The following BTG3 variants were observed in gnomAD, a reference collection of about 807,000 sequenced individuals.
The protein encoded by BTG3 is protein BTG3.
In BTG3, 4 loss-of-function variants were observed where a neutral mutation model predicts 25.8. The observed-to-expected ratio is 0.16, with a 90% CI of 0.08 to 0.36. BTG3 has a LOEUF of 0.36. BTG3 is among the 10% of genes least tolerant of loss of function. The pLI is 1.00. For missense variants in BTG3, 201 were observed against 304.9 expected, an observed-to-expected ratio of 0.66 and a Z score of 2.54; for synonymous variants, 107 against 99.9, an observed-to-expected ratio of 1.07 and a Z score of -0.42.
chr21:17,598,806 A>G lies in BTG3; in HGVS notation c.330T>C (p.Asn110=), dbSNP rs2061535690. ...EVCCRYGEKN[N]AFIVASFENK... ...TTTCAAAGCTGGCAACAATGAATGCATTGTTTTTCTCTCCATACCTAAGAA... is the reference window on the plus strand; with the variant it reads ...TTTCAAAGCTGGCAACAATGAATGCGTTGTTTTTCTCTCCATACCTAAGAA... The change falls in exon 4 of 5, where the codon AAT becomes AAC. Residue 110 remains asparagine (N), a synonymous_variant. Transcript: ENST00000348354. 6.2e-7 allele frequency: 1 copy of G among 1,613,958 alleles called. No individual in the cohort carries two copies. Among genetic ancestry groups the G allele is most frequent in the African/African-American group, 1.3e-5 (1 of 75,028 alleles).
At chr21:17,608,948 G>A (rs1266797788) in intron 2 of BTG3, 24 bp downstream of exon 2, 3 of 1,605,344 alleles carry the variant, frequency 1.9e-6, no homozygotes, top group Non-Finnish European at 1.7e-6. Flanking sequence ...ATCAGCCTCT[G>A]CTTAATCCAA....
chr21:17,601,447 C>T (rs1221828404), intron 3 of BTG3, among the ~76,000 whole-genome samples: 1 of 152,026 alleles, frequency 6.6e-6, no homozygotes, highest in Non-Finnish European at 1.5e-5. Context: ...TTGCTTGAGC[C>T]CAGGAGTTCA....
intron 2 of BTG3, among the ~76,000 whole-genome samples, chr21:17,607,542 T>C (rs2061660047): frequency 6.6e-6 from 1 of 152,204 alleles, no homozygotes; most frequent in South Asian, 2.1e-4. Flanking sequence ...ATTCTCTTCT[T>C]GTCAATAGAA....
At chr21:17,600,009 A>G (rs1373378108) in intron 3 of BTG3, among the ~76,000 whole-genome samples, 2 of 152,206 alleles carry the variant, frequency 1.3e-5, no homozygotes, top group Non-Finnish European at 2.9e-5. Flanking sequence ...GTTTCCTAGG[A>G]TAACTACTCA....
intron 4 of BTG3, among the ~76,000 whole-genome samples, chr21:17,595,713 C>T (rs1455684524): frequency 6.6e-6 from 1 of 151,826 alleles, no homozygotes; most frequent in African/African-American, 2.4e-5. Flanking sequence ...ACACAACGAA[C>T]AAAACAATGC....
At chr21:17,600,962 G>A (rs2061565460) in intron 3 of BTG3, among the ~76,000 whole-genome samples, 1 of 152,176 alleles carries the variant, frequency 6.6e-6, no homozygotes. Context: ...AGGCGTTCGA[G>A]GCCAGCCTGG....
chr21:17,598,954 C>A, intron 3 of BTG3, 130 bp from the exon 4 acceptor site: 1 of 713,832 alleles, frequency 1.4e-6, no homozygotes. Flanking sequence ...GAACTTGACC[C>A]TACACATTTA....
chr21:17,611,325 C>T (rs1337345637), intron 1 of BTG3, among the ~76,000 whole-genome samples: 2 of 152,164 alleles, frequency 1.3e-5, no homozygotes, highest in East Asian at 1.9e-4. Context: ...GATCTTTCTC[C>T]TCATTCATTA....
At chr21:17,596,690 T>C (rs941112019) in intron 4 of BTG3, among the ~76,000 whole-genome samples, 41 of 152,118 alleles carry the variant, frequency 2.7e-4, no homozygotes, top group Admixed American at 1.1e-3. Flanking sequence ...TTGATGAATA[T>C]ATAATAGCTT....
At chr21:17,609,691 T>C (rs555228411) in intron 1 of BTG3, among the ~76,000 whole-genome samples, 1 of 152,320 alleles carries the variant, frequency 6.6e-6, no homozygotes, top group South Asian at 2.1e-4. Context: ...TGAAAACATA[T>C]GTCCACACCA....
chr21:17,610,443 A>C (rs1354508601), intron 1 of BTG3, among the ~76,000 whole-genome samples: 1 of 152,220 alleles, frequency 6.6e-6, no homozygotes, highest in African/African-American at 2.4e-5. Context: ...AAACTAGTGG[A>C]TCTATCAGGA....
chr21:17,598,265 T>A (rs1292066584), intron 4 of BTG3, among the ~76,000 whole-genome samples: 1 of 152,110 alleles, frequency 6.6e-6, no homozygotes, highest in Non-Finnish European at 1.5e-5. Flanking sequence ...AATAGAAAGT[T>A]AAACCCAAAG....
rs371264168 is a variant in BTG3 at position 17,594,110 on chromosome 21, T to C, written c.742A>G (p.Met248Val). 1.2e-5 allele frequency: 20 copies of C among 1,612,938 alleles called. No homozygotes were observed. In the East Asian group the frequency reaches 2.2e-4, roughly 18 times the overall value. Residue 248 changes from methionine to valine, a missense_variant, in exon 5 of 5, where the codon ATG becomes GTG. Physicochemically the swap from Met to Val is conservative, Grantham distance 21 (BLOSUM62 1). Around this residue, in one of 2 missense-constraint regions of BTG3, gnomAD observed 131 missense variants for 129.3 expected, o/e 1.01. Coordinates refer to ENST00000348354, the MANE Select transcript of BTG3 (RefSeq NM_006806.5). ...AAACGAAGTTAGTGAGGTGCTAACA[T>C]GTGAGGATTAATCCAGTGATTCCGG... ...CDRNHWINPH[M>V]LAPH
chr21:17,609,530 G>T (rs979186497), intron 1 of BTG3, among the ~76,000 whole-genome samples: 1 of 152,164 alleles, frequency 6.6e-6, no homozygotes, highest in African/African-American at 2.4e-5. Context: ...TCTGTGAAAT[G>T]ATTTGAACTT....
chr21:17,599,886 C>G (rs1046649603), intron 3 of BTG3, among the ~76,000 whole-genome samples: 2 of 152,032 alleles, frequency 1.3e-5, no homozygotes, highest in Non-Finnish European at 2.9e-5. Context: ...AAAAAGGGGG[C>G]CTGTTATTTA....
At chr21:17,604,141 TTA>T in intron 3 of BTG3, 1 of 1,284,750 alleles carries the variant, frequency 7.8e-7, no homozygotes, top group Non-Finnish European at 1.0e-6. Flanking sequence ...ACTCAGTCAC[TTA>T]CATAATCAAA....
Position 17,612,836 on chromosome 21 carries a change from C to G in BTG3, c.-146G>C, listed in dbSNP as rs1334011846. On this transcript the variant is annotated 5_prime_UTR_variant, in exon 1 of 5. Coordinates refer to ENST00000348354, the MANE Select transcript of BTG3 (RefSeq NM_006806.5). ...CGAGCCTCGTCCGGCGCGTGCGGCT[C>G]CCGCGTCGTCGGGCGGCCAAGCGCG... The G allele has an allele frequency of 6.6e-6, 1 of 152,140 alleles. No individual in the cohort carries two copies. Among genetic ancestry groups the G allele is most frequent in the Admixed American group, 6.5e-5 (1 of 15,278 alleles). 9.4% of individuals were successfully genotyped at this position (152,140 alleles called of 1,614,324 possible).
chr21:17,601,437 T>C (rs939454560), intron 3 of BTG3, among the ~76,000 whole-genome samples: 1 of 152,052 alleles, frequency 6.6e-6, no homozygotes, highest in African/African-American at 2.4e-5. Context: ...GGCAGGAAGA[T>C]TGCTTGAGCC....
At chr21:17,596,242 C>G (rs910560612) in intron 4 of BTG3, among the ~76,000 whole-genome samples, 1 of 151,836 alleles carries the variant, frequency 6.6e-6, no homozygotes, top group South Asian at 2.1e-4. Flanking sequence ...TATGGTTTGC[C>G]CATTTTCTTA....
Sources: gnomAD v4.1 joint callset for allele counts (sites outside exome capture counted in the v4.1 genomes callset) on GRCh38, gnomAD v4.1.1 for gene constraint, gnomAD v4.1.1 regional missense constraint, MANE v1.5 for transcripts, NCBI Gene and HGNC (gene_info 2026-07-23, HGNC 2026-07-21) for gene names.